GARRE1: variants seen among roughly 807,000 people sequenced by gnomAD.
The protein encoded by GARRE1 is granule associated Rac and RHOG effector 1.
In GARRE1, 49 loss-of-function variants were observed where a neutral mutation model predicts 103.2. The observed-to-expected ratio is 0.47, with a 90% confidence interval of 0.38 to 0.60. GARRE1 has a LOEUF of 0.60. Ranked by LOEUF, GARRE1 falls within the 20% of genes least tolerant of loss-of-function variation. The pLI, the probability that GARRE1 is intolerant of heterozygous loss-of-function variation, is 0.00. For missense variants in GARRE1, 1,199 were observed against 1,370.5 expected (o/e 0.87, Z 1.98); for synonymous variants, 505 against 532.8 (o/e 0.95, Z 0.72).
chr19:34,307,581 G>A (rs1430421287), intron 2 of GARRE1, among the ~76,000 whole-genome samples: 1 of 144,844 alleles, frequency 6.9e-6, no homozygotes, highest in Non-Finnish European at 1.5e-5. Flanking sequence ...ATATATGTAT[G>A]TATATATATA....
At chr19:34,262,087 C>T (rs1303522543) in intron 1 of GARRE1, among the ~76,000 whole-genome samples, 18 of 151,954 alleles carry the variant, frequency 1.2e-4, no homozygotes, top group Admixed American at 8.5e-4. Flanking sequence ...TGGGTTCAAG[C>T]GATTCTTCTG....
chr19:34,325,352 T>C (rs986547668), intron 3 of GARRE1, among the ~76,000 whole-genome samples: 3 of 152,146 alleles, frequency 2.0e-5, no homozygotes, highest in African/African-American at 7.2e-5. Context: ...GCCCCTGAGC[T>C]CAGCTGCTAC....
intron 10 of GARRE1, among the ~76,000 whole-genome samples, chr19:34,343,984 G>A (rs1281837974): frequency 2.0e-5 from 3 of 152,176 alleles, no homozygotes; most frequent in African/African-American, 7.2e-5. Flanking sequence ...ATCACCTGTA[G>A]CATGTAACTT....
chr19:34,352,397 C>T (rs1042453744), intron 13 of GARRE1, among the ~76,000 whole-genome samples: 5 of 145,998 alleles, frequency 3.4e-5, no homozygotes, highest in African/African-American at 5.1e-5. Flanking sequence ...CAGACTGCAT[C>T]TCAAAAAAAA....
At chr19:34,336,263 T>C (rs2074160716) in intron 8 of GARRE1, among the ~76,000 whole-genome samples, 1 of 152,130 alleles carries the variant, frequency 6.6e-6, no homozygotes, top group African/African-American at 2.4e-5. Flanking sequence ...AGTGCTGGGA[T>C]TGCAGGCGTG....
chr19:34,315,710 C>CAAAAAAAA (rs35321775), intron 2 of GARRE1, among the ~76,000 whole-genome samples: 1 of 62,538 alleles, frequency 1.6e-5, no homozygotes, highest in East Asian at 4.8e-4. Context: ...GACTCTGTCT[C>CAAAAAAAA]AAAAAAAAAA....
At chr19:34,327,683 T>A in intron 4 of GARRE1, 88 bp from the exon 5 acceptor site, 1 of 1,480,528 alleles carries the variant, frequency 6.8e-7, no homozygotes, top group Non-Finnish European at 9.3e-7. Flanking sequence ...TTAATAGCTA[T>A]AGAAATTTAA....
At chr19:34,256,739 TTC>T (rs1404636367) in intron 1 of GARRE1, among the ~76,000 whole-genome samples, 4 of 152,178 alleles carry the variant, frequency 2.6e-5, no homozygotes, top group African/African-American at 9.7e-5. Context: ...ACTTACAAAG[TTC>T]ATATTTACAT....
At chr19:34,322,057 C>G (rs1412131506) in intron 3 of GARRE1, among the ~76,000 whole-genome samples, 3 of 152,174 alleles carry the variant, frequency 2.0e-5, no homozygotes, top group Non-Finnish European at 4.4e-5. Context: ...TTCCTAGTCA[C>G]TCTGGTGTGG....
intron 10 of GARRE1, among the ~76,000 whole-genome samples, chr19:34,344,899 C>T (rs1041574519): frequency 3.3e-5 from 5 of 151,520 alleles, no homozygotes; most frequent in South Asian, 2.1e-4. Flanking sequence ...AGTGCAGTGG[C>T]GCGATCTCGG....
At position 34,300,820 on chromosome 19, in the gene GARRE1, A is replaced by T; in HGVS notation, c.347A>T (p.Gln116Leu). The T allele has an allele frequency of 6.2e-7, 1 of 1,614,208 alleles. No homozygotes were observed. The highest frequency in any genetic ancestry group is 8.5e-7 in the Non-Finnish European group (1 of 1,180,038). Reference protein sequence around the residue: ...RNSHYSKAATQLKDVQEHVME... With the variant: ...RNSHYSKAATLLKDVQEHVME... ...TCTCACTACTCAAAGGCAGCCACAC[A>T]GCTCAAAGATGTGCAGGAGCATGTC... Residue 116 changes from glutamine (Q) to leucine (L), a missense_variant, in exon 2 of 14, where the codon CAG (glutamine) becomes CTG (leucine). Physicochemically the swap from Gln to Leu is moderately radical, Grantham distance 113 (BLOSUM62 -2). Coordinates refer to ENST00000299505, the MANE Select transcript of GARRE1 (RefSeq NM_014686.5).
chr19:34,303,588 C>A (rs2073991651), intron 2 of GARRE1, among the ~76,000 whole-genome samples: 1 of 152,146 alleles, frequency 6.6e-6, no homozygotes. Context: ...GCTTCATGGA[C>A]CACATGTGGT....
chr19:34,273,132 A>G (rs544124988), intron 1 of GARRE1, among the ~76,000 whole-genome samples: 2 of 152,250 alleles, frequency 1.3e-5, no homozygotes, highest in Non-Finnish European at 2.9e-5. Flanking sequence ...AACCCAGGAG[A>G]TGGAGATTGC....
intron 1 of GARRE1, among the ~76,000 whole-genome samples, chr19:34,275,681 A>G (rs562449277): frequency 2.0e-5 from 3 of 152,290 alleles, no homozygotes; most frequent in African/African-American, 7.2e-5. Flanking sequence ...ACTGCTCCAA[A>G]CGTTCATCTG....
intron 1 of GARRE1, among the ~76,000 whole-genome samples, chr19:34,291,887 T>G (rs2073919984): frequency 6.7e-6 from 1 of 149,376 alleles, no homozygotes; most frequent in African/African-American, 2.5e-5. Context: ...TGAGACAGAG[T>G]CTCACTCTCT....
chr19:34,295,082 G>A (rs1216334563), intron 1 of GARRE1, among the ~76,000 whole-genome samples: 1 of 152,164 alleles, frequency 6.6e-6, no homozygotes, highest in Non-Finnish European at 1.5e-5. Context: ...TTTGCAAATG[G>A]GGTATTTTGG....
chr19:34,335,615 G>A (rs920315760), intron 8 of GARRE1, among the ~76,000 whole-genome samples: 5 of 152,012 alleles, frequency 3.3e-5, no homozygotes, highest in African/African-American at 4.8e-5. Flanking sequence ...AGCCTCTTCC[G>A]CCTGGGTTCC....
intron 8 of GARRE1, among the ~76,000 whole-genome samples, chr19:34,334,180 A>G (rs1314629042): frequency 6.6e-6 from 1 of 152,226 alleles, no homozygotes; most frequent in Non-Finnish European, 1.5e-5. Context: ...CCTCTGTTCC[A>G]ACTACAATCC....
At chr19:34,291,335 C>T (rs2073916886) in intron 1 of GARRE1, among the ~76,000 whole-genome samples, 1 of 152,110 alleles carries the variant, frequency 6.6e-6, no homozygotes, top group Admixed American at 6.5e-5. Context: ...AAAGTCATCC[C>T]TGGAAAACTT....
Sources: gnomAD v4.1 joint callset for allele counts (sites outside exome capture counted in the v4.1 genomes callset) on GRCh38, gnomAD v4.1.1 for gene constraint, MANE v1.5 for transcripts, NCBI Gene and HGNC (gene_info 2026-07-23, HGNC 2026-07-21) for gene names.